ZNF503: variants seen among roughly 807,000 people sequenced by gnomAD.
ZNF503 encodes the protein NocA-like zinc finger 2.
A neutral mutation model predicts 34.4 loss-of-function variants in ZNF503; 15 were observed. The ratio of observed to expected loss-of-function variants is 0.44; its 90% confidence interval spans 0.29 to 0.67. The LOEUF (loss-of-function observed/expected upper bound fraction) is 0.67. Ranked by LOEUF, ZNF503 falls within the 30% of genes least tolerant of loss-of-function variation. The pLI is 0.13. For synonymous variants in ZNF503, 580 were observed against 456.8 expected (o/e 1.27, Z -3.44); for missense variants, 1,007 against 926.8 (o/e 1.09, Z -1.12).
the ZNF503 span, among the ~76,000 whole-genome samples, chr10:75,358,008 A>G: frequency 2.6e-5 from 4 of 152,190 alleles, no homozygotes; most frequent in Non-Finnish European, 4.4e-5. Context: ...TCAGTGCACC[A>G]TTGGAGAGTC....
At chr10:75,293,297 G>A in the ZNF503 span, among the ~76,000 whole-genome samples, 86 of 152,320 alleles carry the variant, frequency 5.6e-4, no homozygotes, top group Middle Eastern at 3.4e-3. Flanking sequence ...TGGGCCAGGG[G>A]TCATAGGACA....
chr10:75,387,620 CTTG>C, the ZNF503 span, among the ~76,000 whole-genome samples: 1 of 152,102 alleles, frequency 6.6e-6, no homozygotes, highest in Admixed American at 6.5e-5. Context: ...CACTGGAATC[CTTG>C]TTGTCAGATG....
the ZNF503 span, among the ~76,000 whole-genome samples, chr10:75,312,292 T>C: frequency 6.6e-6 from 1 of 151,584 alleles, no homozygotes. Context: ...AAAAAACAAA[T>C]GAAAATATTA....
chr10:75,384,820 C>T, the ZNF503 span, among the ~76,000 whole-genome samples: 2 of 152,216 alleles, frequency 1.3e-5, no homozygotes, highest in Non-Finnish European at 2.9e-5. Context: ...GGAGGTGATG[C>T]CTCTGGCTAC....
the ZNF503 span, among the ~76,000 whole-genome samples, chr10:75,313,381 C>A: frequency 1.3e-5 from 2 of 152,284 alleles, no homozygotes; most frequent in Admixed American, 6.5e-5. Flanking sequence ...CAAGGTAGCA[C>A]AGCTCAGTCC....
At chr10:75,285,477 T>C in the ZNF503 span, among the ~76,000 whole-genome samples, 2 of 152,202 alleles carry the variant, frequency 1.3e-5, no homozygotes, top group Non-Finnish European at 2.9e-5. Flanking sequence ...CCTCCATGGA[T>C]TGTGAACTCA....
chr10:75,394,902 G>A (rs1287118279), downstream of ZNF503, among the ~76,000 whole-genome samples: 1 of 152,228 alleles, frequency 6.6e-6, no homozygotes, highest in Admixed American at 6.5e-5. Flanking sequence ...GCATCTATGC[G>A]GAGTTACCCA....
the ZNF503 span, among the ~76,000 whole-genome samples, chr10:75,330,339 TG>T: frequency 6.6e-6 from 1 of 152,224 alleles, no homozygotes; most frequent in Non-Finnish European, 1.5e-5. Context: ...TGTCTGGTTT[TG>T]GTGTCAGGGT....
the ZNF503 span, among the ~76,000 whole-genome samples, chr10:75,383,658 C>T: frequency 6.6e-6 from 1 of 152,266 alleles, no homozygotes; most frequent in Non-Finnish European, 1.5e-5. Context: ...TAACCAGTCA[C>T]ATGCTTCTGC....
At chr10:75,348,214 C>T in the ZNF503 span, among the ~76,000 whole-genome samples, 1 of 151,836 alleles carries the variant, frequency 6.6e-6, no homozygotes, top group Non-Finnish European at 1.5e-5. Flanking sequence ...AGTCATGTGC[C>T]ACCACGCCTG....
the ZNF503 span, among the ~76,000 whole-genome samples, chr10:75,319,724 C>T: frequency 6.6e-6 from 1 of 152,068 alleles, no homozygotes; most frequent in Non-Finnish European, 1.5e-5. Context: ...TATTAGGCAA[C>T]TATGTGCTGT....
chr10:75,320,433 A>G, the ZNF503 span, among the ~76,000 whole-genome samples: 2 of 152,198 alleles, frequency 1.3e-5, no homozygotes, highest in Admixed American at 1.3e-4. Flanking sequence ...GTGAGCCGAG[A>G]TCGCACCACT....
chr10:75,303,937 A>T, the ZNF503 span, among the ~76,000 whole-genome samples: 3 of 149,612 alleles, frequency 2.0e-5, no homozygotes, highest in East Asian at 5.9e-4. Flanking sequence ...GGGTTCAACC[A>T]ATTCTCCTGC....
At chr10:75,281,030 C>A in the ZNF503 span, among the ~76,000 whole-genome samples, 1 of 152,128 alleles carries the variant, frequency 6.6e-6, no homozygotes, top group Non-Finnish European at 1.5e-5. Context: ...TGGGGACACA[C>A]AAAGCCTGCT....
chr10:75,378,593 C>T, the ZNF503 span, among the ~76,000 whole-genome samples: 6 of 152,220 alleles, frequency 3.9e-5, no homozygotes, highest in African/African-American at 1.4e-4. Context: ...ATTCAGAGGC[C>T]TCTGAAAGTA....
chr10:75,390,575 G>A, the ZNF503 span, among the ~76,000 whole-genome samples: 1 of 151,876 alleles, frequency 6.6e-6, no homozygotes, highest in Non-Finnish European at 1.5e-5. Flanking sequence ...TACTTCTGAG[G>A]GCTTCTCCAG....
chr10:75,350,050 A>G, the ZNF503 span, among the ~76,000 whole-genome samples: 2 of 152,246 alleles, frequency 1.3e-5, no homozygotes, highest in Non-Finnish European at 2.9e-5. Flanking sequence ...AGAACAGTGC[A>G]TACTGCATAA....
At chr10:75,368,030 A>G in the ZNF503 span, among the ~76,000 whole-genome samples, 1 of 152,190 alleles carries the variant, frequency 6.6e-6, no homozygotes, top group East Asian at 1.9e-4. Context: ...TAGGGCATTG[A>G]ACCTCGATAA....
the ZNF503 span, chr10:75,343,150 A>T: frequency 6.6e-6 from 1 of 152,230 alleles, no homozygotes. Flanking sequence ...GGGAGGAAAC[A>T]GAACTGAGAA....
Sources: gnomAD v4.1 joint callset for allele counts (sites outside exome capture counted in the v4.1 genomes callset) on GRCh38, gnomAD v4.1.1 for gene constraint, MANE v1.5 for transcripts, NCBI Gene and HGNC (gene_info 2026-07-23, HGNC 2026-07-21) for gene names.